Variants in CTIF observed in about 807,000 individuals in gnomAD.
CTIF encodes the protein cap binding complex dependent translation initiation factor, also known as CBP80/20-dependent translation initiation factor.
A neutral mutation model predicts 66.0 loss-of-function variants in CTIF; 21 were observed. The observed-to-expected ratio is 0.32, with a 90% confidence interval of 0.23 to 0.46. The LOEUF (loss-of-function observed/expected upper bound fraction) is 0.46, where lower values mean the gene tolerates loss of function less well. CTIF is among the 20% of genes least tolerant of loss of function. CTIF has a pLI of 1.00. For synonymous variants in CTIF, 345 were observed against 326.4 expected, an observed-to-expected ratio of 1.06 and a Z score of -0.62; for missense variants, 739 against 812.7, an observed-to-expected ratio of 0.91 and a Z score of 1.10.
intron 1 of CTIF, among the ~76,000 whole-genome samples, chr18:48,594,928 G>A (rs2089962297): frequency 6.6e-6 from 1 of 152,206 alleles, no homozygotes; most frequent in Non-Finnish European, 1.5e-5. Flanking sequence ...TGAACTGCAG[G>A]AGTTGCTGTC....
chr18:48,667,547 G>A (rs1400221109), intron 5 of CTIF, among the ~76,000 whole-genome samples: 1 of 152,170 alleles, frequency 6.6e-6, no homozygotes, highest in Non-Finnish European at 1.5e-5. Flanking sequence ...CATGTTGAAG[G>A]CAAGCTTGCC....
intron 6 of CTIF, chr18:48,673,489 A>G (rs926038375): frequency 6.6e-6 from 1 of 152,210 alleles, no homozygotes; most frequent in Non-Finnish European, 1.5e-5. Flanking sequence ...TTAGGACACT[A>G]TAGGCCATGG....
intron 1 of CTIF, among the ~76,000 whole-genome samples, chr18:48,614,376 A>G (rs1337327113): frequency 1.3e-5 from 2 of 152,260 alleles, no homozygotes; most frequent in African/African-American, 4.8e-5. Context: ...AAGAATAAAC[A>G]GGGACTCAGA....
chr18:48,604,463 C>A (rs899785016), intron 1 of CTIF, among the ~76,000 whole-genome samples: 3 of 152,098 alleles, frequency 2.0e-5, no homozygotes, highest in Admixed American at 2.0e-4. Flanking sequence ...CAGGCGTGAG[C>A]CCCTGCGCCC....
intron 1 of CTIF, among the ~76,000 whole-genome samples, chr18:48,571,640 T>C (rs2089417942): frequency 6.6e-6 from 1 of 152,202 alleles, no homozygotes; most frequent in Non-Finnish European, 1.5e-5. Context: ...TGATCCTCCT[T>C]ATTTTTTTCC....
intron 9 of CTIF, among the ~76,000 whole-genome samples, chr18:48,781,307 G>C (rs533548562): frequency 2.9e-4 from 44 of 152,350 alleles, no homozygotes; most frequent in Middle Eastern, 6.8e-3. Context: ...GAACTCTGGG[G>C]GCGGCGGCTG....
intron 9 of CTIF, among the ~76,000 whole-genome samples, chr18:48,771,736 ACCT>A (rs1338274969): frequency 1.3e-5 from 2 of 151,800 alleles, no homozygotes; most frequent in Non-Finnish European, 2.9e-5. Context: ...CACCCCCAGC[ACCT>A]CCTCCTCCTC....
At chr18:48,632,826 C>A (rs2090744093) in intron 2 of CTIF, among the ~76,000 whole-genome samples, 1 of 152,056 alleles carries the variant, frequency 6.6e-6, no homozygotes, top group Non-Finnish European at 1.5e-5. Flanking sequence ...TTTGACATGT[C>A]ATCTGACCTC....
intron 6 of CTIF, among the ~76,000 whole-genome samples, chr18:48,708,230 C>T (rs774582029): frequency 1.3e-4 from 20 of 152,232 alleles, no homozygotes; most frequent in Admixed American, 1.1e-3. Context: ...CTCTGCCAAC[C>T]TGCATGAGCT....
intron 10 of CTIF, among the ~76,000 whole-genome samples, chr18:48,819,627 G>A (rs2068440962): frequency 6.6e-6 from 1 of 152,204 alleles, no homozygotes; most frequent in Non-Finnish European, 1.5e-5. Context: ...CACGCCTAAC[G>A]CACACTTGTT....
chr18:48,648,404 A>G (rs764696171), intron 3 of CTIF, among the ~76,000 whole-genome samples: 10 of 151,460 alleles, frequency 6.6e-5, no homozygotes, highest in Non-Finnish European at 1.2e-4. Context: ...TCCTGCTTCA[A>G]AGGCCCCTTG....
At chr18:48,707,315 T>C (rs1274568310) in intron 6 of CTIF, among the ~76,000 whole-genome samples, 1 of 152,244 alleles carries the variant, frequency 6.6e-6, no homozygotes, top group African/African-American at 2.4e-5. Flanking sequence ...GCCAGAATAC[T>C]ATCTCCCCTG....
chr18:48,668,396 G>T (rs1239255462), intron 5 of CTIF, among the ~76,000 whole-genome samples: 1 of 152,216 alleles, frequency 6.6e-6, no homozygotes, highest in Non-Finnish European at 1.5e-5. Flanking sequence ...CACGCAGTTG[G>T]TGCTTTCACA....
rs1239819612 is a variant in CTIF at position 48,628,646 on chromosome 18, C to T, written c.181-7968C>T. Among the ~76,000 whole-genome samples the T allele has an allele frequency of 2.0e-5, 3 of 152,118 alleles. No homozygotes were observed. The South Asian group carries it at 6.2e-4, about 31-fold the overall frequency. On this transcript the variant is annotated intron_variant, in intron 2 of 11. Transcript: ENST00000256413. ...TTATTATTACAGATGGGGGAAACTT[C>T]GTCCTGGGGATGAAGCGATTTGCCC...
intron 10 of CTIF, among the ~76,000 whole-genome samples, chr18:48,847,231 C>T (rs186170468): frequency 1.0e-3 from 155 of 151,372 alleles, no homozygotes; most frequent in African/African-American, 3.5e-3. Flanking sequence ...TCGCTTGAAC[C>T]CGGGAAGCAG....
intron 10 of CTIF, among the ~76,000 whole-genome samples, chr18:48,852,810 G>A (rs1248544170): frequency 6.6e-6 from 1 of 152,230 alleles, no homozygotes; most frequent in Non-Finnish European, 1.5e-5. Context: ...AAGTAATATT[G>A]CTGGGTCAGA....
intron 9 of CTIF, among the ~76,000 whole-genome samples, chr18:48,804,671 G>C (rs1351955371): frequency 6.6e-6 from 1 of 152,216 alleles, no homozygotes; most frequent in Non-Finnish European, 1.5e-5. Flanking sequence ...AGGTTTGCCT[G>C]ACCCAATCAG....
chr18:48,564,082 T>G (rs949014505), intron 1 of CTIF, among the ~76,000 whole-genome samples: 2 of 152,176 alleles, frequency 1.3e-5, no homozygotes, highest in Admixed American at 1.3e-4. Flanking sequence ...TTAGCCAAAT[T>G]GGGGTTTTCC....
intron 10 of CTIF, among the ~76,000 whole-genome samples, chr18:48,852,229 G>A (rs1172581251): frequency 4.4e-4 from 24 of 54,548 alleles, no homozygotes; most frequent in African/African-American, 1.6e-3. Context: ...GTGAGACCCT[G>A]TCTTAAAAAA....
Sources: allele counts gnomAD v4.1 joint callset (sites outside exome capture counted in the v4.1 genomes callset), GRCh38; gene constraint gnomAD v4.1.1; transcripts MANE v1.5; gene names NCBI Gene and HGNC (gene_info 2026-07-23, HGNC 2026-07-21).